Variants in TTC4 observed in about 807,000 individuals in gnomAD.
TTC4 encodes hsp70/Hsp90 co-chaperone CNS1 homolog.
TTC4 carries 36 observed loss-of-function variants against 51.9 expected under a neutral mutation model. The observed-to-expected ratio is 0.69, with a 90% CI of 0.53 to 0.92. TTC4 has a LOEUF of 0.92. Ranked by LOEUF, TTC4 falls within the 40% of genes least tolerant of loss-of-function variation. The probability of loss-of-function intolerance (pLI) is 0.00; values close to 1 mark genes in which losing one functional copy is unlikely to be tolerated. For missense variants in TTC4, 399 were observed against 454.6 expected, an observed-to-expected ratio of 0.88 and a Z score of 1.11; for synonymous variants, 144 against 164.2, an observed-to-expected ratio of 0.88 and a Z score of 0.94.
rs769820641 is a variant in TTC4, at chr1:54,741,465, T to G, written c.1116T>G (p.Pro372=). 2 of 1,614,180 alleles carry G rather than the reference T, an allele frequency of 1.2e-6. No homozygotes were observed. The highest frequency in any genetic ancestry group is 2.2e-5 in the South Asian group (2 of 91,086). The change falls in exon 10 of 10, where the codon CCT becomes CCG. Residue 372 remains proline, a synonymous_variant. Coordinates refer to ENST00000371281, the MANE Select transcript of TTC4 (RefSeq NM_004623.5). ...TTTTGGTCTGTGTAGGATCCTCTCC[T>G]TTTTGCAAGAATTTTCTCCGGGGGA... The part of the protein sequence containing the change: ...PAFLVCVGSS[P]FCKNFLRGRK...
intron 8 of TTC4, 67 bp downstream of exon 8, chr1:54,733,777 G>A: frequency 1.0e-6 from 1 of 978,900 alleles, no homozygotes; most frequent in African/African-American, 1.7e-5. Context: ...TTTTTTTGCG[G>A]CGGGGGAAGC....
Position 54,716,033 on chromosome 1 carries a change from G to A in TTC4, c.111+14G>A. 6.4e-7 allele frequency: 1 copy of A among 1,565,340 alleles called. No homozygotes were observed. Among genetic ancestry groups the A allele is most frequent in the Non-Finnish European group, 8.7e-7 (1 of 1,155,126 alleles). ...CAGTGGGAGAAGGTGGGCGGTCCTG[G>A]GGTCTCCCCACGTGTGTAGGGGCGT... On this transcript the variant is annotated intron_variant, in intron 1 of 9. Transcript: ENST00000371281.
At chr1:54,717,421 G>A in intron 2 of TTC4, 71 bp from the exon 3 acceptor site, 1 of 1,355,454 alleles carries the variant, frequency 7.4e-7, no homozygotes, top group Non-Finnish European at 9.7e-7. Flanking sequence ...ATTATTACAT[G>A]ATTTAGAATC....
chr1:54,738,019 G>A (rs1302409769), intron 9 of TTC4, among the ~76,000 whole-genome samples: 2 of 152,126 alleles, frequency 1.3e-5, no homozygotes, highest in African/African-American at 4.8e-5. Context: ...TCCTGCCTCA[G>A]CCTCCTGAGT....
At chr1:54,738,815 A>G (rs1033207441) in intron 9 of TTC4, among the ~76,000 whole-genome samples, 1 of 151,782 alleles carries the variant, frequency 6.6e-6, no homozygotes, top group Non-Finnish European at 1.5e-5. Flanking sequence ...GGCGCCTGCC[A>G]CCATGCCTGG....
At chr1:54,736,186 G>T (rs1645931925) in intron 8 of TTC4, among the ~76,000 whole-genome samples, 1 of 34,622 alleles carries the variant, frequency 2.9e-5, no homozygotes, top group Non-Finnish European at 5.5e-5. Context: ...GAGAGAGAGA[G>T]AGAGAGAGAG....
intron 9 of TTC4, among the ~76,000 whole-genome samples, chr1:54,740,172 TC>T (rs1645995210): frequency 6.6e-6 from 1 of 151,948 alleles, no homozygotes; most frequent in Non-Finnish European, 1.5e-5. Flanking sequence ...GACCCCCTCC[TC>T]CCACTACCCA....
chr1:54,729,293 C>G (rs572880840), intron 6 of TTC4, among the ~76,000 whole-genome samples: 1 of 152,180 alleles, frequency 6.6e-6, no homozygotes, highest in South Asian at 2.1e-4. Context: ...CCATGGTTGA[C>G]CACTGGTAAC....
rs1396884076 is a variant in TTC4, at chr1:54,734,016, AC to A, written c.978+307del. ...TGTCCTTTTATGTCTGGCTTATTTC[AC>A]TTAGCATAATGTCTTCAAGGTTCAT... On this transcript the variant is annotated intron_variant, in intron 8 of 9. Coordinates refer to ENST00000371281, the MANE Select transcript of TTC4 (RefSeq NM_004623.5). Among the ~76,000 whole-genome samples, 5 of 152,134 alleles carry A rather than the reference AC, an allele frequency of 3.3e-5. No homozygotes were observed. The East Asian group carries it at 9.6e-4, about 29-fold the overall frequency.
chr1:54,733,759 T>A (rs61002131), intron 8 of TTC4, 49 bp downstream of exon 8: 63,817 of 1,200,040 alleles, frequency 0.053, 1,856 homozygotes, highest in South Asian at 0.098. Context: ...TTTTTTTTTT[T>A]TTTTTTTTTT....
At chr1:54,722,577 GT>G in intron 4 of TTC4, 97 bp from the exon 5 acceptor site, 1 of 1,549,136 alleles carries the variant, frequency 6.5e-7, no homozygotes, top group South Asian at 1.2e-5. Flanking sequence ...TGCCTTCAGG[GT>G]ACTGGCTGGT....
At chr1:54,717,944 C>T (rs879458021) in intron 3 of TTC4, among the ~76,000 whole-genome samples, 4 of 152,168 alleles carry the variant, frequency 2.6e-5, no homozygotes, top group Non-Finnish European at 5.9e-5. Flanking sequence ...GGCTTCTACT[C>T]TCTCAAAAAA....
chr1:54,731,450 G>A lies in TTC4; in HGVS notation c.682-36G>A, dbSNP rs769938661. 4.5e-5 allele frequency: 71 copies of A among 1,590,578 alleles called. No homozygotes were observed. In the Admixed American group the frequency reaches 1.2e-3, roughly 26 times the overall value. ...TTTGCATCCTCCCACACAATAAGAT[G>A]TGCATTATGTGTGTGTGTTTCTGTC... On this transcript the variant is annotated intron_variant, in intron 6 of 9. Transcript: ENST00000371281.
Position 54,740,165 on chromosome 1 carries a change from C to G in TTC4, c.1062-1246C>G, listed in dbSNP as rs544158016. 3.3e-5 allele frequency among the ~76,000 whole-genome samples: 5 copies of G among 149,360 alleles called. No individual in the cohort carries two copies. In the South Asian group the frequency reaches 1.1e-3, roughly 32 times the overall value. On this transcript the variant is annotated intron_variant, in intron 9 of 9. Coordinates refer to ENST00000371281, the MANE Select transcript of TTC4 (RefSeq NM_004623.5). ...ACTCCAGCCTAGGTGAGAGTGAGAC[C>G]CCCTCCTCCCACTACCCAAAAAAAT...
chr1:54,727,947 G>A, intron 5 of TTC4, among the ~76,000 whole-genome samples: 1 of 152,080 alleles, frequency 6.6e-6, no homozygotes, highest in East Asian at 1.9e-4. Context: ...AGATACCATT[G>A]CATACCCACT....
intron 4 of TTC4, 49 bp from the exon 5 acceptor site, chr1:54,722,626 T>G (rs1358090394): frequency 6.2e-7 from 1 of 1,603,546 alleles, no homozygotes; most frequent in Non-Finnish European, 8.5e-7. Context: ...CAAAGCAGGT[T>G]CTTTCCATGC....
chr1:54,729,087 C>A (rs189780998), intron 6 of TTC4, among the ~76,000 whole-genome samples: 28 of 152,234 alleles, frequency 1.8e-4, no homozygotes, highest in Non-Finnish European at 3.7e-4. Context: ...ATGAGTGTTA[C>A]TTAATACAGG....
chr1:54,730,200 CTCAT>C (rs1444592489), intron 6 of TTC4, among the ~76,000 whole-genome samples: 1 of 151,938 alleles, frequency 6.6e-6, no homozygotes, highest in Admixed American at 6.5e-5. Flanking sequence ...CCATCTAATT[CTCAT>C]TCACAGTGAG....
chr1:54,730,155 T>C (rs11802552), intron 6 of TTC4, among the ~76,000 whole-genome samples: 18,084 of 152,208 alleles, frequency 0.12, 1,795 homozygotes, highest in African/African-American at 0.26. Flanking sequence ...TTACATGTAT[T>C]AACACGTTAA....
Sources: gnomAD v4.1 joint callset for allele counts (sites outside exome capture counted in the v4.1 genomes callset) on GRCh38, gnomAD v4.1.1 for gene constraint, MANE v1.5 for transcripts, NCBI Gene and HGNC (gene_info 2026-07-23, HGNC 2026-07-21) for gene names.